The following SPATS2 variants were observed in gnomAD, a reference collection of about 807,000 sequenced individuals.
SPATS2 encodes the protein spermatogenesis-associated serine-rich protein 2.
SPATS2 carries 38 observed loss-of-function variants against 63.7 expected under a neutral mutation model. The ratio of observed to expected loss-of-function variants is 0.60; its 90% CI spans 0.46 to 0.78. SPATS2 has a LOEUF of 0.78. Among genes scored for constraint, SPATS2 ranks in the 30% least tolerant of loss-of-function variants. The pLI is 0.00. For synonymous variants in SPATS2, 207 were observed against 232.9 expected (o/e 0.89, Z 1.01); for missense variants, 588 against 666.2 (o/e 0.88, Z 1.29).
In SPATS2 at chr12:49,485,862, T is replaced by A. The variant is rs182632060; in HGVS notation, c.105+1193T>A. On this transcript the variant is annotated intron_variant, in intron 4 of 13. Coordinates refer to ENST00000552918, the MANE Select transcript of SPATS2 (RefSeq NM_023071.4). The stretch of plus-strand genomic sequence containing the variant: ...TTAGCCTCCACCTCCTGGGTTCAAG[T>A]GATTCTCATCCCCCAGCCTCCTGAG... 2.3e-4 allele frequency among the ~76,000 whole-genome samples: 35 copies of A among 150,294 alleles called. No homozygotes were observed. In the East Asian group the frequency reaches 6.9e-3, roughly 30 times the overall value.
chr12:49,394,451 A>T (rs1053944041), intron 2 of SPATS2, among the ~76,000 whole-genome samples: 1 of 152,056 alleles, frequency 6.6e-6, no homozygotes, highest in African/African-American at 2.4e-5. Context: ...GAGAATTGGC[A>T]TGCTGACAAC....
intron 9 of SPATS2, among the ~76,000 whole-genome samples, chr12:49,502,015 A>C (rs1402948160): frequency 6.6e-6 from 1 of 152,214 alleles, no homozygotes; most frequent in Non-Finnish European, 1.5e-5. Context: ...TATTAAAATG[A>C]CAGGAAGACA....
chr12:49,408,411 C>T (rs1944734294), intron 2 of SPATS2, among the ~76,000 whole-genome samples: 1 of 151,998 alleles, frequency 6.6e-6, no homozygotes, highest in Non-Finnish European at 1.5e-5. Flanking sequence ...TACCACCATG[C>T]CCGGCTAATT....
chr12:49,515,446 A>G (rs1336586874), intron 10 of SPATS2, among the ~76,000 whole-genome samples: 1 of 152,236 alleles, frequency 6.6e-6, no homozygotes, highest in African/African-American at 2.4e-5. Context: ...CATGACTCAC[A>G]GTTAAATCAC....
At chr12:49,398,905 A>G (rs1000167532) in intron 2 of SPATS2, among the ~76,000 whole-genome samples, 4 of 152,080 alleles carry the variant, frequency 2.6e-5, no homozygotes, top group African/African-American at 7.2e-5. Context: ...TTTCTGTACT[A>G]TTTCCTACAA....
At chr12:49,423,258 G>A (rs1349387915) in intron 2 of SPATS2, among the ~76,000 whole-genome samples, 7 of 151,236 alleles carry the variant, frequency 4.6e-5, no homozygotes, top group African/African-American at 1.5e-4. Context: ...TCAGCCTCCC[G>A]AGTAGCCAGG....
At chr12:49,389,627 A>G in intron 2 of SPATS2, 1 of 1,150,142 alleles carries the variant, frequency 8.7e-7, no homozygotes, top group East Asian at 2.3e-5. Context: ...AGCTCTCAAT[A>G]AGCGAGTAGA....
intron 1 of SPATS2, among the ~76,000 whole-genome samples, chr12:49,368,420 G>T (rs1256460904): frequency 6.6e-6 from 1 of 152,192 alleles, no homozygotes; most frequent in African/African-American, 2.4e-5. Context: ...TTTAAGTTAG[G>T]TCAGTGATAA....
intron 2 of SPATS2, among the ~76,000 whole-genome samples, chr12:49,398,412 C>T (rs1471093848): frequency 6.6e-6 from 1 of 151,966 alleles, no homozygotes; most frequent in Admixed American, 6.6e-5. Flanking sequence ...TGGTGTACTC[C>T]AGGGAAGATT....
intron 2 of SPATS2, among the ~76,000 whole-genome samples, chr12:49,420,739 C>T (rs1592378771): frequency 1.3e-5 from 2 of 151,994 alleles, no homozygotes; most frequent in East Asian, 3.9e-4. Context: ...ATTTGGTAGG[C>T]GTGGTGGCTC....
At chr12:49,423,461 T>C (rs1424826961) in intron 2 of SPATS2, among the ~76,000 whole-genome samples, 1 of 152,138 alleles carries the variant, frequency 6.6e-6, no homozygotes, top group African/African-American at 2.4e-5. Flanking sequence ...ATCCCTTTAT[T>C]GTCAAACAGT....
intron 12 of SPATS2, among the ~76,000 whole-genome samples, chr12:49,523,767 T>G (rs1242609688): frequency 6.6e-6 from 1 of 151,820 alleles, no homozygotes. Flanking sequence ...CTGGCTAACA[T>G]GGTGAAACCC....
At chr12:49,399,993 G>T (rs375971201) in intron 2 of SPATS2, among the ~76,000 whole-genome samples, 1 of 152,146 alleles carries the variant, frequency 6.6e-6, no homozygotes, top group Admixed American at 6.5e-5. Context: ...CAGCGATCAC[G>T]CCACTGCACT....
chr12:49,432,631 CTA>C (rs560844643), intron 2 of SPATS2, among the ~76,000 whole-genome samples: 24 of 152,300 alleles, frequency 1.6e-4, no homozygotes, highest in South Asian at 8.3e-4. Flanking sequence ...CTTTCTGTTT[CTA>C]TGAGTTTGAC....
intron 2 of SPATS2, among the ~76,000 whole-genome samples, chr12:49,388,397 A>G (rs1434290899): frequency 1.3e-5 from 2 of 151,490 alleles, no homozygotes; most frequent in East Asian, 2.0e-4. Context: ...TTCCCCTGAC[A>G]GGGTCTCTCT....
rs757372149 is a variant in SPATS2, at chr12:49,494,774, G to A, written c.298G>A (p.Ala100Thr). ...GAAGAAAAACAAACCGAAACCTGCC[G>A]CAGAACCAAGTAACGGCATCCCAGA... ...KKKKNKPKPAAEPSNGIPDSS... is the reference protein window; with the variant it reads ...KKKKNKPKPATEPSNGIPDSS... The change falls in exon 7 of 14, where the codon GCA becomes ACA. Residue 100 changes from alanine (A) to threonine (T), a missense_variant. Ala to Thr is a moderately conservative substitution (Grantham distance 58). Transcript: ENST00000552918. The A allele has an allele frequency of 2.3e-5, 37 of 1,601,564 alleles. No homozygotes were observed. Among genetic ancestry groups the A allele is most frequent in the Admixed American group, 5.2e-5 (3 of 57,590 alleles).
chr12:49,512,758 C>T (rs961199533), intron 9 of SPATS2: 1 of 649,730 alleles, frequency 1.5e-6, no homozygotes, highest in African/African-American at 1.9e-5. Context: ...ATCTGATGGA[C>T]ACAGCGTCTG....
At chr12:49,492,289 G>A (rs1167274256) in intron 6 of SPATS2, among the ~76,000 whole-genome samples, 1 of 150,258 alleles carries the variant, frequency 6.7e-6, no homozygotes, top group Non-Finnish European at 1.5e-5. Context: ...GCGCGATCTC[G>A]GCTCACTGCA....
chr12:49,468,540 G>A (rs1021118974), intron 3 of SPATS2, among the ~76,000 whole-genome samples: 8 of 151,978 alleles, frequency 5.3e-5, no homozygotes, highest in African/African-American at 1.7e-4. Context: ...GCAGTGGTGT[G>A]ATCTGTGCAC....
Sources: gnomAD v4.1 joint callset for allele counts (sites outside exome capture counted in the v4.1 genomes callset) on GRCh38, gnomAD v4.1.1 for gene constraint, MANE v1.5 for transcripts, NCBI Gene and HGNC (gene_info 2026-07-23, HGNC 2026-07-21) for gene names.